Variants in RASGEF1A observed in about 807,000 individuals in gnomAD.
RASGEF1A encodes the protein ras-GEF domain-containing family member 1A.
RASGEF1A carries 18 observed loss-of-function variants against 56.4 expected under a neutral mutation model. The ratio of observed to expected loss-of-function variants is 0.32; its 90% CI spans 0.22 to 0.47. The LOEUF (loss-of-function observed/expected upper bound fraction) is 0.47, where lower values mean the gene tolerates loss of function less well. Ranked by LOEUF, RASGEF1A falls within the 20% of genes least tolerant of loss-of-function variation. The pLI, the probability that RASGEF1A is intolerant of heterozygous loss-of-function variation, is 1.00. For synonymous variants in RASGEF1A, 245 were observed against 242.6 expected (o/e 1.01, Z -0.09); for missense variants, 422 against 627.1 (o/e 0.67, Z 3.49).
intron 1 of RASGEF1A, among the ~76,000 whole-genome samples, chr10:43,218,656 C>T (rs1488154322): frequency 6.6e-6 from 1 of 152,248 alleles, no homozygotes; most frequent in African/African-American, 2.4e-5. Flanking sequence ...TCAAGTACTG[C>T]GAAGAAGGGC....
At chr10:43,250,004 G>A (rs1840608614) in intron 1 of RASGEF1A, among the ~76,000 whole-genome samples, 1 of 152,224 alleles carries the variant, frequency 6.6e-6, no homozygotes. Flanking sequence ...GCTCACAGCA[G>A]GGTCCAGCGG....
In RASGEF1A at chr10:43,195,580, A is replaced by G. The variant is rs1839784396; in HGVS notation, c.*664T>C. On this transcript the variant is annotated 3_prime_UTR_variant, in exon 13 of 13. Coordinates refer to ENST00000395810, the MANE Select transcript of RASGEF1A (RefSeq NM_145313.4). The surrounding 1 kb of genome is among the most constrained non-coding windows in gnomAD (Gnocchi z 4.2). ...TGATTTGCTGGACACATTGTCACAG[A>G]AAATATGCTGCCAGGTGCCCCCTGC... 1 of 152,662 alleles carries G rather than the reference A, an allele frequency of 6.6e-6. No individual in the cohort carries two copies. The allele number at this position is 152,662 out of a possible 1,614,324, so 9.5% of individuals were successfully genotyped here.
intron 1 of RASGEF1A, among the ~76,000 whole-genome samples, chr10:43,209,352 G>C (rs1840035779): frequency 6.6e-6 from 1 of 152,216 alleles, no homozygotes; most frequent in Non-Finnish European, 1.5e-5. Context: ...AACAGTGCCA[G>C]GATTCATGCC....
In RASGEF1A at chr10:43,242,558, C is replaced by T. The variant is rs1000291190; in HGVS notation, c.-7+24287G>A. Among the ~76,000 whole-genome samples, 4 of 152,252 alleles carry T rather than the reference C, an allele frequency of 2.6e-5. No homozygotes were observed. In the South Asian group the frequency reaches 6.2e-4, roughly 24 times the overall value. ...TCGCTCTCCGTCTCCCTCTTTCTAC[C>T]GTCTCCCTCTCTTGCAGAGCCTGGA... On this transcript the variant is annotated intron_variant, in intron 1 of 12. Coordinates refer to ENST00000395810, the MANE Select transcript of RASGEF1A (RefSeq NM_145313.4).
At chr10:43,230,634 A>T (rs2133210418) in intron 1 of RASGEF1A, among the ~76,000 whole-genome samples, 1 of 151,758 alleles carries the variant, frequency 6.6e-6, no homozygotes, top group East Asian at 1.9e-4. Context: ...CTCAGCTTGA[A>T]CCTCACAGAG....
Position 43,225,247 on chromosome 10 carries a change from T to G in RASGEF1A, c.-6-19125A>C, listed in dbSNP as rs1445948175. On this transcript the variant is annotated intron_variant, in intron 1 of 12. Coordinates refer to ENST00000395810, the MANE Select transcript of RASGEF1A (RefSeq NM_145313.4). ...CTGTGTGTGTGTGCATGTCTGTGTGTGGGGGTCTGTGGGGGGGGGGTCTCT... is the reference window on the plus strand; with the variant it reads ...CTGTGTGTGTGTGCATGTCTGTGTGGGGGGGTCTGTGGGGGGGGGGTCTCT... Among the ~76,000 whole-genome samples, 8 of 13,436 alleles carry G rather than the reference T, an allele frequency of 6.0e-4. No homozygotes were observed. In the Admixed American group the frequency reaches 9.7e-3, roughly 16 times the overall value. The allele number at this position is 13,436 out of a possible 152,430, so 8.8% of individuals were successfully genotyped here.
Position 43,252,442 on chromosome 10 carries a change from G to A in RASGEF1A, c.-7+14403C>T, listed in dbSNP as rs777755426. 1.2e-4 allele frequency among the ~76,000 whole-genome samples: 19 copies of A among 152,076 alleles called. No individual in the cohort carries two copies. In the South Asian group the frequency reaches 1.7e-3, roughly 13 times the overall value. ...AGGAAGGGGTGGGCTACGGGGCTGC[G>A]GGACAGGCCGGGGCTCGGCATCCAG... On this transcript the variant is annotated intron_variant, in intron 1 of 12. Transcript: ENST00000395810.
rs1310249301 is a variant in RASGEF1A, at chr10:43,208,532, G to C, written c.-6-2410C>G. The C allele has an allele frequency of 3.0e-6, 3 of 985,640 alleles. No homozygotes were observed. The South Asian group carries it at 1.4e-4, about 46-fold the overall frequency. 61.1% of individuals were successfully genotyped at this position (985,640 alleles called of 1,614,324 possible). ...AGGAGGAGCATGCAGGGGTGTCCCA[G>C]GCAAGCAGAGGTTCTGCACATGCTC... On this transcript the variant is annotated intron_variant, in intron 1 of 12. Transcript: ENST00000395810.
intron 1 of RASGEF1A, among the ~76,000 whole-genome samples, chr10:43,238,856 G>A (rs1840469684): frequency 6.6e-6 from 1 of 152,218 alleles, no homozygotes. Context: ...AAAGGGACCT[G>A]ATATCAAATG....
intron 1 of RASGEF1A, among the ~76,000 whole-genome samples, chr10:43,259,318 C>T (rs1836485743): frequency 6.6e-6 from 1 of 152,102 alleles, no homozygotes; most frequent in African/African-American, 2.4e-5. Context: ...GTAGCAGTGG[C>T]CCCTGGGACT....
intron 1 of RASGEF1A, among the ~76,000 whole-genome samples, chr10:43,260,303 T>C (rs1237842747): frequency 1.3e-5 from 2 of 151,838 alleles, no homozygotes; most frequent in Admixed American, 1.3e-4. Flanking sequence ...CACCTGCTGC[T>C]CCTTCCTCTC....
At chr10:43,210,200 G>A (rs576940991) in intron 1 of RASGEF1A, among the ~76,000 whole-genome samples, 185 of 152,356 alleles carry the variant, frequency 1.2e-3, no homozygotes, top group African/African-American at 4.3e-3. Flanking sequence ...GGCCTGGTAC[G>A]GAGGCTCATG....
At chr10:43,215,416 C>T (rs1840123301) in intron 1 of RASGEF1A, among the ~76,000 whole-genome samples, 1 of 152,228 alleles carries the variant, frequency 6.6e-6, no homozygotes, top group Admixed American at 6.5e-5. Flanking sequence ...GCCTGTCTCC[C>T]CTCTCTTGGC....
In RASGEF1A at chr10:43,198,100, C is replaced by T. The variant is rs1327787214; in HGVS notation, c.1128G>A (p.Lys376=). 2.5e-6 allele frequency: 4 copies of T among 1,614,090 alleles called. No homozygotes were observed. The highest frequency in any genetic ancestry group is 3.3e-5 in the Admixed American group (2 of 60,014). ...AGAGGTTGAACACAGGGATGACGAT[C>T]TTTTCACGGCTGCTGTTGGCCATCT... ...RSQMANSSRE[K]IVIPVFNLFV... is the part of the protein sequence containing the mutation. The change falls in exon 10 of 13, where the codon AAG becomes AAA. Residue 376 remains lysine (K), a synonymous_variant. Transcript: ENST00000395810.
chr10:43,251,542 G>A (rs1008981973), intron 1 of RASGEF1A, among the ~76,000 whole-genome samples: 4 of 152,184 alleles, frequency 2.6e-5, no homozygotes, highest in Non-Finnish European at 5.9e-5. Context: ...AGGTGTCAGT[G>A]TGCATGATGG....
At chr10:43,198,623 G>C (rs1374284054) in intron 9 of RASGEF1A, among the ~76,000 whole-genome samples, 1 of 152,262 alleles carries the variant, frequency 6.6e-6, no homozygotes, top group Non-Finnish European at 1.5e-5. Flanking sequence ...AGACCAGCCA[G>C]GACCTGGAGA....
At chr10:43,256,825 T>C (rs1349445414) in intron 1 of RASGEF1A, among the ~76,000 whole-genome samples, 1 of 152,188 alleles carries the variant, frequency 6.6e-6, no homozygotes, top group African/African-American at 2.4e-5. Flanking sequence ...TGCCATTCCC[T>C]GGTTGCCGGC....
intron 2 of RASGEF1A, chr10:43,203,627 C>A: frequency 2.5e-6 from 3 of 1,201,804 alleles, no homozygotes; most frequent in Non-Finnish European, 3.3e-6. Context: ...AGGCACGGCT[C>A]GAGCCCCGCC....
intron 1 of RASGEF1A, among the ~76,000 whole-genome samples, chr10:43,235,439 C>T (rs978848727): frequency 1.3e-5 from 2 of 152,202 alleles, no homozygotes; most frequent in East Asian, 1.9e-4. Context: ...GCCTTGGCCA[C>T]CCCTCCTCAG....
Sources: allele counts gnomAD v4.1 joint callset (sites outside exome capture counted in the v4.1 genomes callset), GRCh38; gene constraint gnomAD v4.1.1; non-coding constraint Gnocchi (gnomAD v3.1); transcripts MANE v1.5; gene names NCBI Gene and HGNC (gene_info 2026-07-23, HGNC 2026-07-21).